CRB1: variants seen among roughly 807,000 people sequenced by gnomAD.
CRB1 encodes the protein crumbs cell polarity complex component 1, also known as protein crumbs homolog 1.
Under a neutral mutation model 120.0 loss-of-function variants are expected in CRB1, and 83 were observed. The observed-to-expected ratio is 0.69, with a 90% CI of 0.58 to 0.83. The LOEUF is 0.83. Ranked by LOEUF, CRB1 falls within the 40% of genes least tolerant of loss-of-function variation. The pLI, the probability that CRB1 is intolerant of heterozygous loss-of-function variation, is 0.00. For missense variants in CRB1, 1,699 were observed against 1,687.6 expected, an observed-to-expected ratio of 1.01 and a Z score of -0.12; for synonymous variants, 625 against 612.5, an observed-to-expected ratio of 1.02 and a Z score of -0.30.
intron 1 of CRB1, among the ~76,000 whole-genome samples, chr1:197,293,662 A>G (rs1411696459): frequency 6.6e-6 from 1 of 152,182 alleles, no homozygotes; most frequent in East Asian, 1.9e-4. Context: ...ACTTCAGACT[A>G]TACTACAAGC....
chr1:197,239,623 T>TA, the CRB1 span, among the ~76,000 whole-genome samples: 1 of 152,048 alleles, frequency 6.6e-6, no homozygotes, highest in African/African-American at 2.4e-5. Context: ...GGTCATGTTT[T>TA]AAAATCTACT....
chr1:197,278,627 C>T (rs1196980377), intron 1 of CRB1, among the ~76,000 whole-genome samples: 2 of 151,850 alleles, frequency 1.3e-5, no homozygotes, highest in Admixed American at 1.3e-4. Flanking sequence ...GGTCATGTGG[C>T]TAAGCTTGAC....
At chr1:197,232,971 T>C in the CRB1 span, among the ~76,000 whole-genome samples, 1 of 151,910 alleles carries the variant, frequency 6.6e-6, no homozygotes, top group Admixed American at 6.6e-5. Context: ...TCCAAAGATA[T>C]ACTTCGGATT....
chr1:197,327,109 A>C (rs4915480), intron 1 of CRB1, among the ~76,000 whole-genome samples: 66,800 of 133,342 alleles, frequency 0.5, 17,913 homozygotes, highest in East Asian at 0.86. Flanking sequence ...AAAAAAAAAA[A>C]AAAAAAAAAA....
At chr1:197,304,372 G>T in intron 1 of CRB1, 1 of 979,274 alleles carries the variant, frequency 1.0e-6, no homozygotes, top group Non-Finnish European at 1.2e-6. Context: ...CACATCTAGG[G>T]AGGACACATC....
At chr1:197,330,793 C>G (rs1357205319) in intron 2 of CRB1, among the ~76,000 whole-genome samples, 1 of 12,646 alleles carries the variant, frequency 7.9e-5, no homozygotes, top group Admixed American at 1.1e-3. Context: ...TGTTTTTGCA[C>G]CCCCCCCCAA....
intron 5 of CRB1, among the ~76,000 whole-genome samples, chr1:197,387,383 T>A (rs1161053095): frequency 2.0e-5 from 3 of 152,116 alleles, no homozygotes; most frequent in African/African-American, 7.2e-5. Context: ...TTGGACACTG[T>A]TTGTAGAGAG....
chr1:197,206,841 TC>T, the CRB1 span, among the ~76,000 whole-genome samples: 1 of 152,142 alleles, frequency 6.6e-6, no homozygotes, highest in East Asian at 1.9e-4. Flanking sequence ...AGTATTGAAG[TC>T]CCCCAATATT....
intron 2 of CRB1, among the ~76,000 whole-genome samples, chr1:197,330,562 CT>C (rs1053777742): frequency 1.3e-5 from 2 of 152,172 alleles, no homozygotes; most frequent in African/African-American, 4.8e-5. Context: ...TTCTTTCCCC[CT>C]GGAATGTCCT....
At chr1:197,307,185 A>C (rs937227015) in intron 1 of CRB1, among the ~76,000 whole-genome samples, 2 of 152,170 alleles carry the variant, frequency 1.3e-5, no homozygotes, top group Non-Finnish European at 1.5e-5. Flanking sequence ...GTTCTCATAG[A>C]ACTGATAGTA....
At chr1:197,377,847 G>A (rs957636736) in intron 5 of CRB1, among the ~76,000 whole-genome samples, 40 of 152,072 alleles carry the variant, frequency 2.6e-4, no homozygotes, top group African/African-American at 8.7e-4. Flanking sequence ...CAAACCTATA[G>A]GGGTCATTAC....
At position 197,478,017 on chromosome 1, in the gene CRB1, C is replaced by T; in HGVS notation, c.*138C>T. On this transcript the variant is annotated 3_prime_UTR_variant, in exon 12 of 12. Transcript: ENST00000367400. Reference sequence around the variant, plus strand: ...ACTACAGGAATGATTCCTTTGACCACCTTAAAAACTTTCACAGTGGTTCCG... The same window carrying T: ...ACTACAGGAATGATTCCTTTGACCATCTTAAAAACTTTCACAGTGGTTCCG... The T allele has an allele frequency of 1.1e-6, 1 of 917,924 alleles. No individual in the cohort carries two copies. Among genetic ancestry groups the T allele is most frequent in the Non-Finnish European group, 1.8e-6 (1 of 571,418 alleles). 56.9% of individuals were successfully genotyped at this position (917,924 alleles called of 1,614,324 possible). A position where few individuals can be genotyped will look rare whatever the true frequency, so the allele number is the denominator to read the frequency against.
chr1:197,378,779 G>A (rs934489694), intron 5 of CRB1, among the ~76,000 whole-genome samples: 2 of 152,122 alleles, frequency 1.3e-5, no homozygotes, highest in South Asian at 4.1e-4. Context: ...CTGTAATCAA[G>A]ATCTGGTTAT....
intron 11 of CRB1, among the ~76,000 whole-genome samples, chr1:197,453,494 A>G (rs1319473521): frequency 6.9e-6 from 1 of 145,514 alleles, no homozygotes; most frequent in Non-Finnish European, 1.5e-5. Flanking sequence ...CTGTGTGTGT[A>G]TATATATGTG....
At chr1:197,422,057 T>G (rs1240100284) in intron 6 of CRB1, 101 bp downstream of exon 6, 3 of 1,099,462 alleles carry the variant, frequency 2.7e-6, no homozygotes, top group Non-Finnish European at 4.0e-6. Flanking sequence ...TGAAACATAA[T>G]GACCCCACAA....
At chr1:197,319,259 T>TAAAAAAAAAAAAAAAAAAAAAAAAAAAA in intron 1 of CRB1, among the ~76,000 whole-genome samples, 2 of 49,050 alleles carry the variant, frequency 4.1e-5, no homozygotes, top group African/African-American at 8.8e-5. Flanking sequence ...CTGTCTCTAC[T>TAAAAAAAAAAAAAAAAAAAAAAAAAAAA]AAAAAAAAAA....
Position 197,435,549 on chromosome 1 carries a change from G to C in CRB1, c.3686G>C (p.Cys1229Ser), listed in dbSNP as rs1031415706. 9 of 1,613,362 alleles carry C rather than the reference G, an allele frequency of 5.6e-6. No homozygotes were observed. The highest frequency in any genetic ancestry group is 7.6e-6 in the Non-Finnish European group (9 of 1,179,694). The change falls in exon 9 of 12, where the codon TGC (cysteine) becomes TCC (serine). Residue 1229 changes from cysteine to serine, a missense_variant. Transcript: ENST00000367400. ...QSHQCANGAT[C>S]ISHTNGYSCL... ...CACCAGTGTGCAAATGGAGCCACCTGCATTAGTCATACTAATGGCTATTCT... is the reference window on the plus strand; with the variant it reads ...CACCAGTGTGCAAATGGAGCCACCTCCATTAGTCATACTAATGGCTATTCT...
intron 8 of CRB1, among the ~76,000 whole-genome samples, 195 bp downstream of exon 8, chr1:197,429,809 T>C (rs1664789994): frequency 6.6e-6 from 1 of 152,210 alleles, no homozygotes; most frequent in African/African-American, 2.4e-5. Context: ...GGATAGGAAA[T>C]GGAGGTCACA....
chr1:197,432,109 G>A (rs1352114775), intron 8 of CRB1, among the ~76,000 whole-genome samples: 1 of 151,966 alleles, frequency 6.6e-6, no homozygotes, highest in Non-Finnish European at 1.5e-5. Flanking sequence ...TTATGGTAAA[G>A]TTCCCCAAAG....
Sources: gnomAD v4.1 joint callset for allele counts (sites outside exome capture counted in the v4.1 genomes callset) on GRCh38, gnomAD v4.1.1 for gene constraint, MANE v1.5 for transcripts, NCBI Gene and HGNC (gene_info 2026-07-23, HGNC 2026-07-21) for gene names.